Variants in ERC2 observed in about 807,000 individuals in gnomAD.
The protein encoded by ERC2 is ERC protein 2.
ERC2 carries 42 observed loss-of-function variants against 114.8 expected under a neutral mutation model. The ratio of observed to expected loss-of-function variants is 0.37; its 90% confidence interval spans 0.29 to 0.47. ERC2 has a LOEUF of 0.47. Ranked by LOEUF, ERC2 falls within the 20% of genes least tolerant of loss-of-function variation. The probability of loss-of-function intolerance (pLI) is 0.99; values close to 1 mark genes in which losing one functional copy is unlikely to be tolerated. For missense variants in ERC2, 939 were observed against 1,150.7 expected, an observed-to-expected ratio of 0.82 and a Z score of 2.66; for synonymous variants, 454 against 425.5, an observed-to-expected ratio of 1.07 and a Z score of -0.82.
At chr3:56,223,255 G>C (rs904041716) in intron 3 of ERC2, among the ~76,000 whole-genome samples, 2 of 152,176 alleles carry the variant, frequency 1.3e-5, no homozygotes, top group African/African-American at 4.8e-5. Flanking sequence ...AAGTCAGTAT[G>C]AATGATCCCA....
In ERC2 at chr3:56,457,130, T is replaced by C. The variant is rs182620374; in HGVS notation, c.-141+11118A>G. Among the ~76,000 whole-genome samples the C allele has an allele frequency of 1.3e-3, 193 of 152,328 alleles. 3 individuals are homozygous for C. The highest frequency in any genetic ancestry group is 4.5e-3 in the African/African-American group (188 of 41,578). Reference sequence around the variant, plus strand: ...TACTTCAAGTATTTCCCTCGATTAATCTAACAAAGTCAGTTTCATTCTGCC... The same window carrying C: ...TACTTCAAGTATTTCCCTCGATTAACCTAACAAAGTCAGTTTCATTCTGCC... On this transcript the variant is annotated intron_variant, in intron 1 of 17. Coordinates refer to ENST00000288221, the MANE Select transcript of ERC2 (RefSeq NM_015576.3).
At chr3:55,731,062 A>G (rs557719125) in intron 15 of ERC2, among the ~76,000 whole-genome samples, 1 of 152,266 alleles carries the variant, frequency 6.6e-6, no homozygotes, top group South Asian at 2.1e-4. Flanking sequence ...ACTGATATCT[A>G]TGTGTGCTGC....
chr3:56,413,963 T>G (rs547806874), intron 2 of ERC2, among the ~76,000 whole-genome samples: 1 of 152,160 alleles, frequency 6.6e-6, no homozygotes, highest in African/African-American at 2.4e-5. Flanking sequence ...TCCAAGGTAG[T>G]TGCTGGAATG....
At chr3:55,952,767 A>G (rs2067669597) in intron 12 of ERC2, among the ~76,000 whole-genome samples, 1 of 152,218 alleles carries the variant, frequency 6.6e-6, no homozygotes, top group Admixed American at 6.5e-5. Flanking sequence ...TGCACAGTGA[A>G]AGAGCTCCCA....
chr3:56,172,533 A>G (rs1303348327), intron 4 of ERC2, among the ~76,000 whole-genome samples: 1 of 152,192 alleles, frequency 6.6e-6, no homozygotes, highest in African/African-American at 2.4e-5. Context: ...TTATCCTATC[A>G]GCAAGCTTTA....
chr3:56,286,005 G>A (rs898777626), intron 3 of ERC2, among the ~76,000 whole-genome samples: 3 of 152,124 alleles, frequency 2.0e-5, no homozygotes, highest in African/African-American at 7.2e-5. Flanking sequence ...GGAATCTGCC[G>A]GGGTTCCTTC....
chr3:56,434,636 C>A lies in ERC2; in HGVS notation c.372G>T (p.Leu124=). Residue 124 remains leucine (L), a synonymous_variant, in exon 2 of 18, where the codon CTG becomes CTT. Coordinates refer to ENST00000288221, the MANE Select transcript of ERC2 (RefSeq NM_015576.3). ...VLSYTDQHGG[L]TGSSHHHHHQ... is the part of the protein sequence containing the mutation. ...GGTGGTGATGATGGGATGAGCCAGTCAGCCCACCATGTTGATCTGTGTATG... is the reference window on the plus strand; with the variant it reads ...GGTGGTGATGATGGGATGAGCCAGTAAGCCCACCATGTTGATCTGTGTATG... 1 of 1,613,964 alleles carries A rather than the reference C, an allele frequency of 6.2e-7. No homozygotes were observed. Among genetic ancestry groups the A allele is most frequent in the Non-Finnish European group, 8.5e-7 (1 of 1,179,886 alleles).
intron 13 of ERC2, among the ~76,000 whole-genome samples, chr3:55,899,450 T>C (rs1042238886): frequency 6.6e-6 from 1 of 152,184 alleles, no homozygotes; most frequent in African/African-American, 2.4e-5. Context: ...AACATATATG[T>C]ATACAATCTT....
At chr3:55,992,376 G>A in intron 10 of ERC2, 126 bp from the exon 11 acceptor site, 1 of 775,278 alleles carries the variant, frequency 1.3e-6, no homozygotes, top group Non-Finnish European at 1.9e-6. Flanking sequence ...TGGGTATATT[G>A]TCAGTGAAAA....
intron 17 of ERC2, among the ~76,000 whole-genome samples, chr3:55,581,676 G>T (rs1168118128): frequency 6.6e-6 from 1 of 152,122 alleles, no homozygotes. Flanking sequence ...GAAATGATAT[G>T]CAACGTTTCA....
chr3:56,436,266 T>G (rs948820729), intron 1 of ERC2, among the ~76,000 whole-genome samples: 2 of 152,228 alleles, frequency 1.3e-5, no homozygotes, highest in Non-Finnish European at 2.9e-5. Context: ...TGTTATGAGC[T>G]TCCACTCTGC....
At chr3:55,993,746 C>A (rs2071265423) in intron 10 of ERC2, among the ~76,000 whole-genome samples, 1 of 150,686 alleles carries the variant, frequency 6.6e-6, no homozygotes, top group Non-Finnish European at 1.5e-5. Context: ...TCCCTTTTAC[C>A]AACATTTTTC....
chr3:56,443,659 C>CTT (rs534626974), intron 1 of ERC2, among the ~76,000 whole-genome samples: 1 of 143,732 alleles, frequency 7.0e-6, no homozygotes, highest in African/African-American at 2.5e-5. Flanking sequence ...GACACTTGGG[C>CTT]TTTTTTTTTT....
chr3:55,627,322 C>T (rs1478395699), intron 17 of ERC2, among the ~76,000 whole-genome samples: 1 of 152,058 alleles, frequency 6.6e-6, no homozygotes, highest in Non-Finnish European at 1.5e-5. Context: ...CAAAATTAGT[C>T]AGGCATGATG....
chr3:56,177,908 A>G (rs2150035752), intron 3 of ERC2, among the ~76,000 whole-genome samples: 1 of 152,330 alleles, frequency 6.6e-6, no homozygotes, highest in East Asian at 1.9e-4. Context: ...TTTAAAAACA[A>G]CAGAAAAAAA....
chr3:55,966,387 A>G (rs1469335989), intron 12 of ERC2, among the ~76,000 whole-genome samples: 2 of 152,156 alleles, frequency 1.3e-5, no homozygotes, highest in African/African-American at 4.8e-5. Context: ...GTGGCCAAAC[A>G]TTTAGGAATG....
At chr3:56,384,621 A>T (rs1321853877) in intron 2 of ERC2, among the ~76,000 whole-genome samples, 1 of 152,124 alleles carries the variant, frequency 6.6e-6, no homozygotes, top group African/African-American at 2.4e-5. Flanking sequence ...TAACAGATAT[A>T]TGATTTGCAA....
intron 7 of ERC2, among the ~76,000 whole-genome samples, chr3:56,058,319 G>A (rs1297705553): frequency 6.6e-6 from 1 of 152,160 alleles, no homozygotes; most frequent in East Asian, 1.9e-4. Flanking sequence ...GGAAAGTTGA[G>A]AGGTTGGAAA....
At chr3:55,839,988 G>C (rs1306408730) in intron 14 of ERC2, among the ~76,000 whole-genome samples, 2 of 151,870 alleles carry the variant, frequency 1.3e-5, no homozygotes, top group Non-Finnish European at 2.9e-5. Context: ...AAAGTAAAAA[G>C]CTGGAAAAAT....
Sources: gnomAD v4.1 joint callset for allele counts (sites outside exome capture counted in the v4.1 genomes callset) on GRCh38, gnomAD v4.1.1 for gene constraint, MANE v1.5 for transcripts, NCBI Gene and HGNC (gene_info 2026-07-23, HGNC 2026-07-21) for gene names.